The following CPA6 variants were observed in gnomAD, a reference collection of about 807,000 sequenced individuals.
CPA6 encodes carboxypeptidase A6.
CPA6 carries 58 observed loss-of-function variants against 63.3 expected under a neutral mutation model. The observed-to-expected ratio is 0.92, with a 90% CI of 0.74 to 1.14. The LOEUF is 1.14. Ranked by LOEUF, CPA6 falls within the 50% of genes most tolerant of loss-of-function variation. The pLI is 0.00. For synonymous variants in CPA6, 185 were observed against 179.0 expected (o/e 1.03, Z -0.27); for missense variants, 565 against 526.6 (o/e 1.07, Z -0.71).
At chr8:67,726,796 CTA>C (rs1186883193) in intron 1 of CPA6, among the ~76,000 whole-genome samples, 1 of 152,172 alleles carries the variant, frequency 6.6e-6, no homozygotes, top group Non-Finnish European at 1.5e-5. Flanking sequence ...TCTCCAGTAT[CTA>C]TGTGACACGC....
intron 1 of CPA6, among the ~76,000 whole-genome samples, chr8:67,721,216 G>C (rs1292788629): frequency 1.3e-5 from 2 of 152,154 alleles, no homozygotes; most frequent in African/African-American, 4.8e-5. Flanking sequence ...AGGTCCTCTC[G>C]GACTTTGTTG....
chr8:67,661,772 T>C (rs1816114846), intron 1 of CPA6, among the ~76,000 whole-genome samples: 1 of 152,316 alleles, frequency 6.6e-6, no homozygotes, highest in South Asian at 2.1e-4. Context: ...CTCATTCCCC[T>C]TCTTCCCAGG....
At chr8:67,667,802 C>G (rs1816263420) in intron 1 of CPA6, among the ~76,000 whole-genome samples, 1 of 152,218 alleles carries the variant, frequency 6.6e-6, no homozygotes, top group Admixed American at 6.5e-5. Context: ...GTGTGCCCCG[C>G]CCCAGTGGCT....
chr8:67,530,094 G>A (rs1044460488), intron 2 of CPA6, among the ~76,000 whole-genome samples: 1 of 151,976 alleles, frequency 6.6e-6, no homozygotes, highest in Admixed American at 6.6e-5. Context: ...AACAAGAGCA[G>A]AATGCTTTAA....
At chr8:67,610,933 G>A (rs978395998) in intron 2 of CPA6, among the ~76,000 whole-genome samples, 2 of 152,012 alleles carry the variant, frequency 1.3e-5, no homozygotes, top group African/African-American at 2.4e-5. Context: ...AAACTATGAG[G>A]ATTACATTAA....
intron 1 of CPA6, among the ~76,000 whole-genome samples, chr8:67,709,666 A>AC (rs1817213140): frequency 6.6e-6 from 1 of 152,256 alleles, no homozygotes; most frequent in Non-Finnish European, 1.5e-5. Flanking sequence ...TGAAGTGGTC[A>AC]GGTCATAATT....
At chr8:67,453,593 T>A (rs937726482) in intron 8 of CPA6, among the ~76,000 whole-genome samples, 2 of 151,980 alleles carry the variant, frequency 1.3e-5, no homozygotes, top group African/African-American at 4.8e-5. Context: ...AGGGAATGAA[T>A]GTAGATAGAG....
Position 67,534,301 on chromosome 8 carries a change from C to A in CPA6, c.193-16254G>T, listed in dbSNP as rs185729221. 4.1e-4 allele frequency among the ~76,000 whole-genome samples: 63 copies of A among 152,098 alleles called. No individual in the cohort carries two copies. In the East Asian group the frequency reaches 0.012, roughly 29 times the overall value. ...ATGGCCTGGGATAGGGTTGTGGAAGCCCCTTGTGTTCTGGGCTTTTAGCTC... is the reference window on the plus strand; with the variant it reads ...ATGGCCTGGGATAGGGTTGTGGAAGACCCTTGTGTTCTGGGCTTTTAGCTC... On this transcript the variant is annotated intron_variant, in intron 2 of 10. Transcript: ENST00000297770.
chr8:67,716,764 T>C (rs917410319), intron 1 of CPA6, among the ~76,000 whole-genome samples: 2 of 152,246 alleles, frequency 1.3e-5, no homozygotes, highest in African/African-American at 4.8e-5. Context: ...AGCTTGACTT[T>C]TCCTTTTGGC....
chr8:67,654,037 A>G (rs2128991847), intron 1 of CPA6, among the ~76,000 whole-genome samples: 1 of 152,162 alleles, frequency 6.6e-6, no homozygotes, highest in African/African-American at 2.4e-5. Context: ...TATATGCTGG[A>G]TTACATTTAC....
intron 8 of CPA6, among the ~76,000 whole-genome samples, chr8:67,447,043 TATATAC>T (rs1256051536): frequency 7.1e-6 from 1 of 141,618 alleles, no homozygotes; most frequent in Admixed American, 7.1e-5. Context: ...CACACATATA[TATATAC>T]ACACACATAT....
At chr8:67,582,895 G>A (rs548666275) in intron 2 of CPA6, among the ~76,000 whole-genome samples, 1 of 152,084 alleles carries the variant, frequency 6.6e-6, no homozygotes, top group African/African-American at 2.4e-5. Context: ...TGTAGGTTGT[G>A]GTATTGTGTT....
At position 67,627,008 on chromosome 8, in the gene CPA6, G is replaced by C. The variant is rs367920454; in HGVS notation, c.117-2757C>G. Among the ~76,000 whole-genome samples, 51 of 151,582 alleles carry C rather than the reference G, an allele frequency of 3.4e-4. 1 individual carries two copies. The East Asian group carries it at 8.9e-3, about 27-fold the overall frequency. On this transcript the variant is annotated intron_variant, in intron 1 of 10. Coordinates refer to ENST00000297770, the MANE Select transcript of CPA6 (RefSeq NM_020361.5). Reference sequence around the variant, plus strand: ...GCTCAAATCCAGTTTTCTCATTTTTGTTACAAAAAGTTCATTTCATCCCAG... The same window carrying C: ...GCTCAAATCCAGTTTTCTCATTTTTCTTACAAAAAGTTCATTTCATCCCAG...
intron 6 of CPA6, among the ~76,000 whole-genome samples, chr8:67,499,375 T>C (rs1313187568): frequency 6.6e-6 from 1 of 152,164 alleles, no homozygotes; most frequent in Non-Finnish European, 1.5e-5. Context: ...AAGCACCTGG[T>C]TCCAAAGAAT....
intron 9 of CPA6, among the ~76,000 whole-genome samples, chr8:67,433,769 G>T (rs1463799521): frequency 1.3e-5 from 2 of 152,128 alleles, no homozygotes; most frequent in Non-Finnish European, 2.9e-5. Context: ...CTAGACTTGG[G>T]GCTGAATCCT....
intron 1 of CPA6, among the ~76,000 whole-genome samples, chr8:67,672,623 G>A: frequency 6.6e-6 from 1 of 152,060 alleles, no homozygotes; most frequent in East Asian, 1.9e-4. Context: ...ATAGAGCTCG[G>A]GCCCAATATG....
At chr8:67,589,131 T>G (rs1814032543) in intron 2 of CPA6, among the ~76,000 whole-genome samples, 1 of 151,454 alleles carries the variant, frequency 6.6e-6, no homozygotes, top group Admixed American at 6.6e-5. Context: ...AAAAAAAGAT[T>G]GATGTTGAGA....
At chr8:67,480,545 C>T (rs1265424139) in intron 8 of CPA6, among the ~76,000 whole-genome samples, 1 of 152,136 alleles carries the variant, frequency 6.6e-6, no homozygotes, top group Non-Finnish European at 1.5e-5. Context: ...TATAAATATA[C>T]CACATTCTGT....
intron 2 of CPA6, among the ~76,000 whole-genome samples, chr8:67,565,164 T>C (rs931344856): frequency 7.8e-5 from 9 of 114,682 alleles, no homozygotes; most frequent in African/African-American, 2.3e-4. Context: ...GTTTTTCTTT[T>C]TCTTTCTTTT....
Sources: allele counts gnomAD v4.1 joint callset (sites outside exome capture counted in the v4.1 genomes callset), GRCh38; gene constraint gnomAD v4.1.1; transcripts MANE v1.5; gene names NCBI Gene and HGNC (gene_info 2026-07-23, HGNC 2026-07-21).